Variants in INO80D observed in about 807,000 individuals in gnomAD.
INO80D encodes INO80 complex subunit D.
INO80D carries 21 observed loss-of-function variants against 87.6 expected under a neutral mutation model. The observed-to-expected ratio is 0.24, with a 90% CI of 0.17 to 0.35. The LOEUF (loss-of-function observed/expected upper bound fraction) is 0.35, where lower values mean the gene tolerates loss of function less well. Ranked by LOEUF, INO80D falls within the 10% of genes least tolerant of loss-of-function variation. The pLI is 1.00. For missense variants in INO80D, 982 were observed against 1,280.7 expected, an observed-to-expected ratio of 0.77 and a Z score of 3.56; for synonymous variants, 440 against 491.0, an observed-to-expected ratio of 0.90 and a Z score of 1.37.
At chr2:206,081,739 AGAGT>A (rs1690289522) in intron 1 of INO80D, among the ~76,000 whole-genome samples, 1 of 149,644 alleles carries the variant, frequency 6.7e-6, no homozygotes, top group Non-Finnish European at 1.5e-5. Flanking sequence ...GCTCGACAAC[AGAGT>A]GAGACCCTGT....
chr2:206,011,838 A>G (rs1460791268), intron 8 of INO80D, among the ~76,000 whole-genome samples: 3 of 152,234 alleles, frequency 2.0e-5, no homozygotes, highest in African/African-American at 7.2e-5. Context: ...GAGAATACAG[A>G]AAATAAACAA....
chr2:206,070,800 GT>G (rs1689941721), intron 1 of INO80D, among the ~76,000 whole-genome samples: 1 of 151,542 alleles, frequency 6.6e-6, no homozygotes, highest in East Asian at 1.9e-4. Context: ...AAATTCTTGG[GT>G]TGTGCTTTTT....
In INO80D at chr2:205,997,952, A is replaced by G. The variant is rs1399528178; in HGVS notation, c.*6416T>C. 6.6e-6 allele frequency: 1 copy of G among 152,206 alleles called. No individual in the cohort carries two copies. Among genetic ancestry groups the G allele is most frequent in the Non-Finnish European group, 1.5e-5 (1 of 68,008 alleles). 9.4% of individuals were successfully genotyped at this position (152,206 alleles called of 1,614,324 possible). Reference sequence around the variant, plus strand: ...CAATGTATATTTTTGCATGTGTGTAAAAAATACAGACATATACATGCACAC... The same window carrying G: ...CAATGTATATTTTTGCATGTGTGTAGAAAATACAGACATATACATGCACAC... On this transcript the variant is annotated 3_prime_UTR_variant, in exon 11 of 11. Coordinates refer to ENST00000403263, the MANE Select transcript of INO80D (RefSeq NM_017759.5).
intron 5 of INO80D, among the ~76,000 whole-genome samples, chr2:206,045,534 T>TA (rs1333322196): frequency 2.0e-5 from 3 of 152,136 alleles, no homozygotes; most frequent in Non-Finnish European, 4.4e-5. Context: ...AGGAGTCTCC[T>TA]AAAAAAATTC....
Position 205,999,893 on chromosome 2 carries a change from A to C in INO80D, c.*4475T>G, listed in dbSNP as rs1687874857. ...ATTATTAAACTGTTTTAACTTTTCT[A>C]CAGAATGCCAGTGAAGATTCAGTTA... On this transcript the variant is annotated 3_prime_UTR_variant, in exon 11 of 11. Coordinates refer to ENST00000403263, the MANE Select transcript of INO80D (RefSeq NM_017759.5). 6.6e-6 allele frequency: 1 copy of C among 152,236 alleles called. No homozygotes were observed. Among genetic ancestry groups the C allele is most frequent in the African/African-American group, 2.4e-5 (1 of 41,466 alleles). The allele number at this position is 152,236 out of a possible 1,614,324, so 9.4% of individuals were successfully genotyped here.
intron 9 of INO80D, among the ~76,000 whole-genome samples, chr2:206,008,282 CTTT>C (rs376619981): frequency 2.5e-5 from 3 of 121,182 alleles, no homozygotes; most frequent in Non-Finnish European, 1.7e-5. Flanking sequence ...CCATGCCTTG[CTTT>C]TTTTTTTTTT....
At chr2:206,011,224 C>T (rs1417014128) in intron 8 of INO80D, among the ~76,000 whole-genome samples, 1 of 152,156 alleles carries the variant, frequency 6.6e-6, no homozygotes, top group Non-Finnish European at 1.5e-5. Flanking sequence ...GCTCAGCATC[C>T]ATTCCAGGCT....
At chr2:206,011,521 G>C (rs563345603) in intron 8 of INO80D, among the ~76,000 whole-genome samples, 50 of 152,228 alleles carry the variant, frequency 3.3e-4, no homozygotes, top group Non-Finnish European at 6.9e-4. Flanking sequence ...TCAGTGCACA[G>C]TGAAATACTA....
chr2:206,031,445 A>C (rs1688763962), intron 5 of INO80D, among the ~76,000 whole-genome samples: 1 of 152,134 alleles, frequency 6.6e-6, no homozygotes, highest in Non-Finnish European at 1.5e-5. Context: ...AGGGAAGGTA[A>C]AGCTTGGGTC....
At chr2:206,058,676 GTGAGC>G (rs1202227130) in intron 3 of INO80D, among the ~76,000 whole-genome samples, 1 of 152,134 alleles carries the variant, frequency 6.6e-6, no homozygotes. Flanking sequence ...AGAGGTTGCA[GTGAGC>G]TGAGACTGCA....
chr2:206,024,906 C>T (rs377399575), intron 6 of INO80D, among the ~76,000 whole-genome samples: 1 of 151,978 alleles, frequency 6.6e-6, no homozygotes, highest in East Asian at 1.9e-4. Flanking sequence ...CAGGTGCCCA[C>T]CACCACACCC....
At chr2:206,069,923 T>C (rs1398527783) in intron 1 of INO80D, among the ~76,000 whole-genome samples, 1 of 152,170 alleles carries the variant, frequency 6.6e-6, no homozygotes, top group Non-Finnish European at 1.5e-5. Context: ...CTCCTCTCCT[T>C]TCTTTCCCCG....
In INO80D at chr2:206,046,580, G is replaced by A. The variant is rs779453184; in HGVS notation, c.997C>T (p.Pro333Ser). ...GGCGAGGCCTGCTCTGAGTCCTCTG[G>A]TTCCTCTCCGCTCTCTTCAGACCAG... ...LDWSEESGEEPEDSEQASPYQ... is the reference protein window; with the variant it reads ...LDWSEESGEESEDSEQASPYQ... The change falls in exon 5 of 11, where the codon CCA (proline) becomes TCA (serine). Residue 333 changes from proline (P) to serine (S), a missense_variant. By Grantham distance (74) the Pro-to-Ser change is moderately conservative. Transcript: ENST00000403263. 15 of 1,613,732 alleles carry A rather than the reference G, an allele frequency of 9.3e-6. No homozygotes were observed. Among genetic ancestry groups the A allele is most frequent in the South Asian group, 2.2e-5 (2 of 91,088 alleles).
intron 5 of INO80D, among the ~76,000 whole-genome samples, chr2:206,035,837 C>T (rs755127506): frequency 6.6e-6 from 1 of 152,006 alleles, no homozygotes; most frequent in South Asian, 2.1e-4. Context: ...ATCTGACAAA[C>T]GACTAATATC....
At chr2:206,066,608 C>A (rs548886337) in intron 1 of INO80D, among the ~76,000 whole-genome samples, 1 of 151,890 alleles carries the variant, frequency 6.6e-6, no homozygotes, top group Non-Finnish European at 1.5e-5. Flanking sequence ...GAGTTCAAGA[C>A]CAACACGGCC....
chr2:206,045,311 A>C (rs1197837338), intron 5 of INO80D, among the ~76,000 whole-genome samples: 1 of 152,234 alleles, frequency 6.6e-6, no homozygotes, highest in Non-Finnish European at 1.5e-5. Context: ...CCCTAAGCCT[A>C]ATCACCTCTA....
intron 5 of INO80D, among the ~76,000 whole-genome samples, chr2:206,031,453 G>A (rs1400637740): frequency 1.3e-5 from 2 of 152,118 alleles, no homozygotes; most frequent in Non-Finnish European, 2.9e-5. Context: ...TAAAGCTTGG[G>A]TCGATAATCA....
intron 4 of INO80D, among the ~76,000 whole-genome samples, chr2:206,051,883 G>A (rs1419231714): frequency 6.6e-6 from 1 of 152,172 alleles, no homozygotes; most frequent in Non-Finnish European, 1.5e-5. Context: ...TAAAAGCAAT[G>A]ACAGGTAAAA....
intron 1 of INO80D, among the ~76,000 whole-genome samples, chr2:206,075,862 C>T (rs1412682690): frequency 1.3e-5 from 2 of 151,036 alleles, no homozygotes; most frequent in African/African-American, 4.9e-5. Context: ...GAGACCAGCC[C>T]GGCCAATATG....
Sources: gnomAD v4.1 joint callset for allele counts (sites outside exome capture counted in the v4.1 genomes callset) on GRCh38, gnomAD v4.1.1 for gene constraint, MANE v1.5 for transcripts, NCBI Gene and HGNC (gene_info 2026-07-23, HGNC 2026-07-21) for gene names.